The following MAST2 variants were observed in gnomAD, a reference collection of about 807,000 sequenced individuals.
MAST2 encodes the protein microtubule-associated serine/threonine-protein kinase 2.
Under a neutral mutation model 147.4 loss-of-function variants are expected in MAST2, and 70 were observed. That is an observed-to-expected ratio of 0.47 (90% CI 0.39 to 0.58). The LOEUF (loss-of-function observed/expected upper bound fraction) is 0.58, where lower values mean the gene tolerates loss of function less well. Among genes scored for constraint, MAST2 ranks in the 20% least tolerant of loss-of-function variants. The probability of loss-of-function intolerance (pLI) is 0.00; values close to 1 mark genes in which losing one functional copy is unlikely to be tolerated. For synonymous variants in MAST2, 869 were observed against 896.8 expected, an observed-to-expected ratio of 0.97 and a Z score of 0.55; for missense variants, 2,080 against 2,302.3, an observed-to-expected ratio of 0.90 and a Z score of 1.98.
chr1:45,899,870 A>G (rs1038671176), intron 4 of MAST2, among the ~76,000 whole-genome samples: 2 of 151,824 alleles, frequency 1.3e-5, no homozygotes, highest in East Asian at 1.9e-4. Context: ...TTTTTTTTTT[A>G]AGATTTCTTT....
At chr1:45,919,143 ACT>A (rs1653042781) in intron 4 of MAST2, among the ~76,000 whole-genome samples, 1 of 151,662 alleles carries the variant, frequency 6.6e-6, no homozygotes. Context: ...AAAAAAACAC[ACT>A]CTGGTTATAG....
At chr1:45,990,712 C>T (rs1306082200) in intron 5 of MAST2, among the ~76,000 whole-genome samples, 4 of 152,164 alleles carry the variant, frequency 2.6e-5, no homozygotes, top group Non-Finnish European at 4.4e-5. Context: ...TCTTGAACTC[C>T]TGGGCTCAAG....
chr1:45,905,238 A>G (rs1650488187), intron 4 of MAST2, among the ~76,000 whole-genome samples: 2 of 140,880 alleles, frequency 1.4e-5, no homozygotes, highest in South Asian at 4.4e-4. Flanking sequence ...ATGCAGTGGC[A>G]CCATCTCAGC....
At chr1:45,804,801 G>GTT (rs1644090400) in intron 1 of MAST2, among the ~76,000 whole-genome samples, 1 of 152,174 alleles carries the variant, frequency 6.6e-6, no homozygotes, top group South Asian at 2.1e-4. Context: ...ATGAGTAGGG[G>GTT]ATAAAGGTCA....
At chr1:45,929,259 A>G (rs374265270) in intron 4 of MAST2, among the ~76,000 whole-genome samples, 4 of 151,992 alleles carry the variant, frequency 2.6e-5, no homozygotes, top group East Asian at 1.9e-4. Context: ...CCTTATTCGC[A>G]TTGACTCAGC....
intron 3 of MAST2, among the ~76,000 whole-genome samples, chr1:45,830,232 T>C (rs1194423028): frequency 6.9e-6 from 1 of 144,770 alleles, no homozygotes; most frequent in Non-Finnish European, 1.5e-5. Flanking sequence ...GCCCAGGCTG[T>C]AGTGCAATCT....
In MAST2 at chr1:45,862,487, A is replaced by AT. The variant is rs67344347; in HGVS notation, c.469-19859dup. Among the ~76,000 whole-genome samples the AT allele has an allele frequency of 7.4e-3, 1,010 of 136,246 alleles. 5 individuals are homozygous for AT. The highest frequency in any genetic ancestry group is 0.01 in the East Asian group (48 of 4,716). 89.4% of individuals were successfully genotyped at this position (136,246 alleles called of 152,430 possible). Reference sequence around the variant, plus strand: ...ATTTTTTAGATAGTGAGGACTGAAGATTTTTTTTTTTTTTTTTTAACCTTG... The same window carrying AT: ...ATTTTTTAGATAGTGAGGACTGAAGATTTTTTTTTTTTTTTTTTTAACCTTG... On this transcript the variant is annotated intron_variant, in intron 3 of 28. Transcript: ENST00000361297.
chr1:45,911,734 A>G, intron 4 of MAST2, among the ~76,000 whole-genome samples: 1 of 151,332 alleles, frequency 6.6e-6, no homozygotes, highest in East Asian at 1.9e-4. Context: ...AATAGTACAT[A>G]TATCATATGG....
chr1:45,807,526 G>A (rs1220165280), intron 1 of MAST2, among the ~76,000 whole-genome samples: 1 of 151,182 alleles, frequency 6.6e-6, no homozygotes, highest in Non-Finnish European at 1.5e-5. Flanking sequence ...CTCATCATTT[G>A]TGTTCTTAAC....
intron 17 of MAST2, 60 bp from the exon 18 acceptor site, chr1:46,028,707 CG>C: frequency 6.3e-7 from 1 of 1,577,022 alleles, no homozygotes; most frequent in Admixed American, 1.7e-5. Context: ...CCCCCATCTC[CG>C]GCTGTCATGC....
At chr1:45,858,960 T>G (rs1364088360) in intron 3 of MAST2, among the ~76,000 whole-genome samples, 2 of 152,172 alleles carry the variant, frequency 1.3e-5, no homozygotes, top group African/African-American at 4.8e-5. Context: ...TTCTGTTCCA[T>G]TGGTCTATAT....
chr1:45,914,226 G>A (rs1557899274), intron 4 of MAST2, among the ~76,000 whole-genome samples: 1 of 152,134 alleles, frequency 6.6e-6, no homozygotes, highest in Admixed American at 6.5e-5. Flanking sequence ...GAAACCAATG[G>A]AAACAAAAAG....
rs1646520190 is a variant in MAST2, at chr1:46,028,835, A to T, written c.2120A>T (p.Asp707Val). ...CGCCAGGGCTATGGGAAGCCAGTGG[A>T]CTGGTGGGCCATGGGCATTATCCTG... ...ILRQGYGKPV[D>V]WWAMGIILYE... The change falls in exon 18 of 29, where the codon GAC becomes GTC. Residue 707 changes from aspartate (D) to valine (V), a missense_variant. Asp to Val is a radical substitution (Grantham distance 152). Coordinates refer to ENST00000361297, the MANE Select transcript of MAST2 (RefSeq NM_015112.3). 1 of 1,613,954 alleles carries T rather than the reference A, an allele frequency of 6.2e-7. No homozygotes were observed. The highest frequency in any genetic ancestry group is 1.7e-5 in the Admixed American group (1 of 60,004).
At position 46,023,479 on chromosome 1, in the gene MAST2, G is replaced by A. The variant is rs1646273578; in HGVS notation, c.1571+161G>A. 1.5e-6 allele frequency: 1 copy of A among 666,906 alleles called. No homozygotes were observed. Among genetic ancestry groups the A allele is most frequent in the Non-Finnish European group, 2.6e-6 (1 of 377,424 alleles). The allele number at this position is 666,906 out of a possible 1,614,324, so 41.3% of individuals were successfully genotyped here. A position where few individuals can be genotyped will look rare whatever the true frequency, so the allele number is the denominator to read the frequency against. On this transcript the variant is annotated intron_variant, in intron 14 of 28. Transcript: ENST00000361297. This position sits in a 1 kb window ranked among gnomAD's most constrained non-coding sequence, Gnocchi z 4.9. The stretch of plus-strand genomic sequence containing the variant: ...GGTGGGCAGGAGTTCAGATTCCTCT[G>A]ACATCCGATCATTGTTCCTTTCCCA...
chr1:45,818,769 T>C (rs12144088), intron 1 of MAST2, among the ~76,000 whole-genome samples: 3,889 of 152,298 alleles, frequency 0.026, 67 homozygotes, highest in Middle Eastern at 0.078. Flanking sequence ...CCAAATGCAT[T>C]GTTGATGTTG....
intron 4 of MAST2, among the ~76,000 whole-genome samples, chr1:45,908,413 G>C (rs142663578): frequency 4.2e-4 from 64 of 152,164 alleles, no homozygotes; most frequent in African/African-American, 1.5e-3. Context: ...TTTGATATAA[G>C]CATTTAAAGC....
intron 5 of MAST2, among the ~76,000 whole-genome samples, chr1:45,962,959 T>C (rs1660651089): frequency 6.6e-6 from 1 of 152,238 alleles, no homozygotes; most frequent in Non-Finnish European, 1.5e-5. Context: ...AAGGAAGGGA[T>C]CCAGTTTCAG....
chr1:45,950,584 C>A (rs1570893701), intron 4 of MAST2, among the ~76,000 whole-genome samples: 3 of 152,196 alleles, frequency 2.0e-5, no homozygotes, highest in Admixed American at 2.0e-4. Context: ...GAAGCTGGTT[C>A]TGGGCTGGTA....
chr1:45,950,138 G>T (rs1189388313), intron 4 of MAST2, among the ~76,000 whole-genome samples: 1 of 152,126 alleles, frequency 6.6e-6, no homozygotes, highest in Non-Finnish European at 1.5e-5. Flanking sequence ...ATATCTGGGT[G>T]ATGAAACAAC....
Sources: gnomAD v4.1 joint callset for allele counts (sites outside exome capture counted in the v4.1 genomes callset) on GRCh38, gnomAD v4.1.1 for gene constraint, Gnocchi (gnomAD v3.1) non-coding constraint, MANE v1.5 for transcripts, NCBI Gene and HGNC (gene_info 2026-07-23, HGNC 2026-07-21) for gene names.